Variants in C1QTNF7 observed in about 807,000 individuals in gnomAD.
The protein encoded by C1QTNF7 is complement C1q tumor necrosis factor-related protein 7.
C1QTNF7 carries 15 observed loss-of-function variants against 19.6 expected under a neutral mutation model. The ratio of observed to expected loss-of-function variants is 0.76; its 90% CI spans 0.51 to 1.18. C1QTNF7 has a LOEUF of 1.18. C1QTNF7 is among the 50% of genes most tolerant of loss of function. The pLI, the probability that C1QTNF7 is intolerant of heterozygous loss-of-function variation, is 0.00. For missense variants in C1QTNF7, 324 were observed against 359.7 expected, an observed-to-expected ratio of 0.90 and a Z score of 0.80; for synonymous variants, 142 against 137.5, an observed-to-expected ratio of 1.03 and a Z score of -0.23.
chr4:15,404,903 A>G (rs1008228388), intron 1 of C1QTNF7, among the ~76,000 whole-genome samples: 5 of 152,234 alleles, frequency 3.3e-5, no homozygotes, highest in Non-Finnish European at 1.5e-5. Flanking sequence ...CAAACAATTC[A>G]TAAGTTGGGT....
At chr4:15,434,457 T>G (rs996394399) in intron 1 of C1QTNF7, among the ~76,000 whole-genome samples, 4 of 152,224 alleles carry the variant, frequency 2.6e-5, no homozygotes, top group Admixed American at 2.6e-4. Flanking sequence ...ATCTGATTGC[T>G]TTCCCCACAT....
upstream of C1QTNF7, chr4:15,427,949 G>A (rs534629347): frequency 3.5e-5 from 31 of 889,702 alleles, no homozygotes; most frequent in African/African-American, 2.4e-4. Flanking sequence ...GGGACTAAAC[G>A]AGAAAATTAT....
chr4:15,382,156 C>G (rs953685659), intron 1 of C1QTNF7, among the ~76,000 whole-genome samples: 1 of 152,174 alleles, frequency 6.6e-6, no homozygotes, highest in African/African-American at 2.4e-5. Flanking sequence ...CACAGAGGCT[C>G]TCAGCTGTTT....
chr4:15,396,168 G>A (rs1236154538), intron 1 of C1QTNF7, among the ~76,000 whole-genome samples: 1 of 152,172 alleles, frequency 6.6e-6, no homozygotes, highest in African/African-American at 2.4e-5. Context: ...ACCAGCAATG[G>A]ATGAGGGCTG....
At chr4:15,398,250 T>G (rs1171728947) in intron 1 of C1QTNF7, among the ~76,000 whole-genome samples, 2 of 152,182 alleles carry the variant, frequency 1.3e-5, no homozygotes, top group African/African-American at 4.8e-5. Context: ...CAACTGGAAA[T>G]TTTAAAAGCA....
intron 1 of C1QTNF7, among the ~76,000 whole-genome samples, chr4:15,385,473 G>A (rs1236571765): frequency 6.6e-6 from 1 of 152,208 alleles, no homozygotes; most frequent in East Asian, 1.9e-4. Flanking sequence ...AAGGCAGGAT[G>A]GACTGTGCTT....
At chr4:15,384,505 T>C (rs1278687556) in intron 1 of C1QTNF7, among the ~76,000 whole-genome samples, 3 of 152,182 alleles carry the variant, frequency 2.0e-5, no homozygotes, top group Admixed American at 1.3e-4. Context: ...TGAGAAGACC[T>C]CTGACCACAC....
intron 1 of C1QTNF7, among the ~76,000 whole-genome samples, chr4:15,373,406 C>T (rs186739310): frequency 4.3e-4 from 65 of 152,330 alleles, no homozygotes; most frequent in African/African-American, 1.5e-3. Flanking sequence ...TAGGTTCCAA[C>T]GTATGAATTT....
At chr4:15,427,520 C>T (rs565532778), upstream of C1QTNF7, among the ~76,000 whole-genome samples, 55 of 152,286 alleles carry the variant, frequency 3.6e-4, no homozygotes, top group African/African-American at 1.3e-3. Flanking sequence ...GTGCAATTCT[C>T]ATAACCCTCT....
chr4:15,365,954 C>A (rs1459013305), intron 1 of C1QTNF7, among the ~76,000 whole-genome samples: 3 of 152,090 alleles, frequency 2.0e-5, no homozygotes. Flanking sequence ...GAGCAGACAG[C>A]CCAACTAGAA....
intron 1 of C1QTNF7, among the ~76,000 whole-genome samples, chr4:15,398,925 G>A (rs2108905802): frequency 6.6e-6 from 1 of 152,236 alleles, no homozygotes; most frequent in South Asian, 2.1e-4. Flanking sequence ...ATCTCGCATT[G>A]CCTCTCCCCT....
In C1QTNF7 at chr4:15,435,817, G is replaced by T. The variant is rs780743472; in HGVS notation, c.74G>T (p.Gly25Val). 2 of 1,614,086 alleles carry T rather than the reference G, an allele frequency of 1.2e-6. No homozygotes were observed. The highest frequency in any genetic ancestry group is 3.3e-5 in the Admixed American group (2 of 60,012). The change falls in exon 2 of 3, where the codon GGA becomes GTA. Residue 25 changes from glycine to valine, a missense_variant. Physicochemically the swap from Gly to Val is moderately radical, Grantham distance 109. Coordinates refer to ENST00000444304, the MANE Select transcript of C1QTNF7 (RefSeq NM_031911.5). ...CAACCCCGGGGTAATCAGTTGAAAG[G>T]AGAGAACTACTCCCCCAGGTATATC... ...SGQPRGNQLK[G>V]ENYSPRYICS...
chr4:15,366,579 A>T (rs1717532350), intron 1 of C1QTNF7, among the ~76,000 whole-genome samples: 1 of 150,386 alleles, frequency 6.6e-6, no homozygotes, highest in African/African-American at 2.4e-5. Flanking sequence ...CTTTTTCCTC[A>T]CTTTTTTCCC....
Position 15,444,105 on chromosome 4 carries a change from T to C in C1QTNF7, c.*1306T>C, listed in dbSNP as rs1224039497. The C allele has an allele frequency of 6.6e-6, 1 of 152,240 alleles. No individual in the cohort carries two copies. Among genetic ancestry groups the C allele is most frequent in the Non-Finnish European group, 1.5e-5 (1 of 68,054 alleles). 9.4% of individuals were successfully genotyped at this position (152,240 alleles called of 1,614,324 possible). On this transcript the variant is annotated 3_prime_UTR_variant, in exon 3 of 3. Transcript: ENST00000444304. The stretch of plus-strand genomic sequence containing the variant: ...TCTGATCTACCATTTCTATGGTTTA[T>C]GGTAATAGTATTCCCTTTATCCCTC...
At chr4:15,407,601 A>G (rs187441933) in intron 1 of C1QTNF7, among the ~76,000 whole-genome samples, 7 of 152,342 alleles carry the variant, frequency 4.6e-5, no homozygotes, top group African/African-American at 9.6e-5. Context: ...GAAATCAAAT[A>G]AGTCACAAAA....
chr4:15,394,643 A>G (rs1030006482), intron 1 of C1QTNF7, among the ~76,000 whole-genome samples: 13 of 150,862 alleles, frequency 8.6e-5, no homozygotes, highest in Non-Finnish European at 1.3e-4. Context: ...GTGTAATTCT[A>G]TATCATTTTT....
chr4:15,391,775 C>T (rs913286296), intron 1 of C1QTNF7, among the ~76,000 whole-genome samples: 3 of 152,052 alleles, frequency 2.0e-5, no homozygotes, highest in Non-Finnish European at 4.4e-5. Flanking sequence ...ATGATGAAAG[C>T]TTTATCAATG....
rs1717869346 is a variant in C1QTNF7 at position 15,374,807 on chromosome 4, C to G, written c.13+34600C>G. ...CCCTCTCTCCATTGATAAACGTCTTCAGGCTTTTTTTCCTTAGAAAGGCGT... is the reference window on the plus strand; with the variant it reads ...CCCTCTCTCCATTGATAAACGTCTTGAGGCTTTTTTTCCTTAGAAAGGCGT... On this transcript the variant is annotated intron_variant, in intron 1 of 2. Coordinates refer to the C1QTNF7 transcript ENST00000295297. The G allele has an allele frequency of 6.2e-6, 6 of 971,192 alleles. No individual in the cohort carries two copies. In the South Asian group the frequency reaches 2.9e-4, roughly 46 times the overall value. 60.2% of individuals were successfully genotyped at this position (971,192 alleles called of 1,614,324 possible).
At chr4:15,417,351 C>G (rs1403750975) in intron 1 of C1QTNF7, among the ~76,000 whole-genome samples, 2 of 152,216 alleles carry the variant, frequency 1.3e-5, no homozygotes, top group Non-Finnish European at 2.9e-5. Context: ...TGAAAACTAT[C>G]AATCTGCTTT....
Sources: allele counts gnomAD v4.1 joint callset (sites outside exome capture counted in the v4.1 genomes callset), GRCh38; gene constraint gnomAD v4.1.1; transcripts MANE v1.5; gene names NCBI Gene and HGNC (gene_info 2026-07-23, HGNC 2026-07-21).